The following RARB variants were observed in gnomAD, a reference collection of about 807,000 sequenced individuals.
RARB encodes the protein HBV-activated protein.
A neutral mutation model predicts 51.9 loss-of-function variants in RARB; 17 were observed. That is an observed-to-expected ratio of 0.33 (90% CI 0.22 to 0.49). RARB has a LOEUF of 0.49. Ranked by LOEUF, RARB falls within the 20% of genes least tolerant of loss-of-function variation. The pLI is 0.99. For synonymous variants in RARB, 215 were observed against 195.4 expected (o/e 1.10, Z -0.84); for missense variants, 369 against 550.8 (o/e 0.67, Z 3.30).
At chr3:25,481,272 G>T (rs748340956) in intron 2 of RARB, among the ~76,000 whole-genome samples, 48 of 152,264 alleles carry the variant, frequency 3.2e-4, no homozygotes, top group Admixed American at 6.5e-4. Flanking sequence ...TTAAAAGACT[G>T]TGTCGGCCAC....
chr3:25,577,155 G>A (rs1378948617), intron 4 of RARB, among the ~76,000 whole-genome samples: 2 of 152,150 alleles, frequency 1.3e-5, no homozygotes, highest in Admixed American at 6.5e-5. Context: ...CTGGTGGGAA[G>A]CCTAAACACC....
At chr3:25,298,979 G>A (rs545611278) in intron 5 of RARB, among the ~76,000 whole-genome samples, 81 of 152,276 alleles carry the variant, frequency 5.3e-4, no homozygotes, top group Non-Finnish European at 5.9e-5. Context: ...CCACATCTAA[G>A]GGGTCACTGT....
intron 5 of RARB, among the ~76,000 whole-genome samples, chr3:25,289,547 G>T (rs1703738407): frequency 6.6e-6 from 1 of 152,142 alleles, no homozygotes; most frequent in Non-Finnish European, 1.5e-5. Flanking sequence ...TTAAACTTTG[G>T]CAAAAGAGGA....
At chr3:25,545,879 G>A (rs1308617427) in intron 3 of RARB, among the ~76,000 whole-genome samples, 3 of 152,180 alleles carry the variant, frequency 2.0e-5, no homozygotes, top group Non-Finnish European at 4.4e-5. Context: ...GGGTGGGTTT[G>A]GGGAGAAAAT....
chr3:25,228,267 A>G (rs10510558), intron 5 of RARB, among the ~76,000 whole-genome samples: 14,608 of 99,300 alleles, frequency 0.15, 928 homozygotes, highest in South Asian at 0.31. Context: ...TCTCTCTTTT[A>G]AGGATACTCT....
intron 3 of RARB, among the ~76,000 whole-genome samples, chr3:25,101,592 ATT>A (rs1050429253): frequency 6.7e-6 from 1 of 150,180 alleles, no homozygotes. Context: ...ACACTGTATT[ATT>A]TTGTGTAGTT....
At chr3:25,194,315 T>G (rs867316255) in intron 5 of RARB, among the ~76,000 whole-genome samples, 39 of 151,868 alleles carry the variant, frequency 2.6e-4, no homozygotes, top group African/African-American at 7.7e-4. Flanking sequence ...ACTAATGTAC[T>G]GCAGGAGTAT....
chr3:25,431,649 A>G (rs968576102), intron 1 of RARB, among the ~76,000 whole-genome samples: 2 of 152,192 alleles, frequency 1.3e-5, no homozygotes, highest in Non-Finnish European at 2.9e-5. Context: ...TGGTCTAAAT[A>G]TAGTTGCTTT....
intron 1 of RARB, among the ~76,000 whole-genome samples, chr3:24,850,351 C>A (rs935945500): frequency 1.3e-5 from 2 of 152,212 alleles, no homozygotes; most frequent in Non-Finnish European, 2.9e-5. Flanking sequence ...GTCTGCAAAG[C>A]CTGAAATGTT....
chr3:24,946,033 A>G (rs1400050184), intron 2 of RARB, among the ~76,000 whole-genome samples: 1 of 152,146 alleles, frequency 6.6e-6, no homozygotes, highest in Non-Finnish European at 1.5e-5. Context: ...TGGGAGGCCG[A>G]GGCAGGCAGA....
intron 3 of RARB, among the ~76,000 whole-genome samples, chr3:25,083,016 T>G (rs1409891967): frequency 6.6e-6 from 1 of 152,080 alleles, no homozygotes; most frequent in Admixed American, 6.6e-5. Flanking sequence ...GCCTGTATTA[T>G]TGCTAATAAA....
At chr3:25,448,890 AC>A (rs1385017509) in intron 1 of RARB, among the ~76,000 whole-genome samples, 3 of 147,978 alleles carry the variant, frequency 2.0e-5, no homozygotes, top group Non-Finnish European at 4.5e-5. Flanking sequence ...ACCCCCCTCC[AC>A]CCCCGCAATC....
chr3:25,337,701 C>T (rs933919788), intron 5 of RARB, among the ~76,000 whole-genome samples: 3 of 152,134 alleles, frequency 2.0e-5, no homozygotes, highest in Non-Finnish European at 4.4e-5. Flanking sequence ...TTAAGATACC[C>T]TCAGCCACCT....
At chr3:25,541,202 T>C (rs1463610810) in intron 3 of RARB, among the ~76,000 whole-genome samples, 2 of 152,222 alleles carry the variant, frequency 1.3e-5, no homozygotes, top group African/African-American at 2.4e-5. Context: ...TTGCTCTCTA[T>C]TGATAAATCC....
At chr3:25,208,171 C>T (rs1272171073) in intron 5 of RARB, among the ~76,000 whole-genome samples, 1 of 152,116 alleles carries the variant, frequency 6.6e-6, no homozygotes, top group South Asian at 2.1e-4. Context: ...TTTCGCTAGG[C>T]CTTACCGCCA....
chr3:25,209,619 A>T (rs1412082248), intron 5 of RARB, among the ~76,000 whole-genome samples: 1 of 152,118 alleles, frequency 6.6e-6, no homozygotes, highest in Non-Finnish European at 1.5e-5. Flanking sequence ...TCTTAGCTGG[A>T]CCTCTGCTTC....
rs1479936525 is a variant in RARB, at chr3:25,095,738, G to GA, written c.-328+35569dup. Among the ~76,000 whole-genome samples the GA allele has an allele frequency of 6.6e-5, 10 of 151,990 alleles. No individual in the cohort carries two copies. The South Asian group carries it at 2.1e-3, about 32-fold the overall frequency. The stretch of plus-strand genomic sequence containing the variant: ...TGGCCAGAGTATTACACCATCAAAA[G>GA]AAAAAAAGCAAAAGGAAAAATGGGC... On this transcript the variant is annotated intron_variant, in intron 3 of 11. Transcript: ENST00000383772.
At chr3:24,980,169 T>A (rs1696611949) in intron 2 of RARB, among the ~76,000 whole-genome samples, 1 of 152,192 alleles carries the variant, frequency 6.6e-6, no homozygotes, top group African/African-American at 2.4e-5. Flanking sequence ...CCTTTGTAGG[T>A]AACCTGACCT....
At chr3:25,465,733 G>A (rs1276892479) in intron 2 of RARB, among the ~76,000 whole-genome samples, 3 of 152,096 alleles carry the variant, frequency 2.0e-5, no homozygotes, top group South Asian at 2.1e-4. Context: ...CCAGGTGAGC[G>A]ATGGCAGTTT....
Sources: allele counts gnomAD v4.1 joint callset (sites outside exome capture counted in the v4.1 genomes callset), GRCh38; gene constraint gnomAD v4.1.1; transcripts MANE v1.5; gene names NCBI Gene and HGNC (gene_info 2026-07-23, HGNC 2026-07-21).